Variants in DENND1A observed in about 807,000 individuals in gnomAD.
The protein encoded by DENND1A is DENN domain containing 1A.
In DENND1A, 51 loss-of-function variants were observed where a neutral mutation model predicts 113.7. The ratio of observed to expected loss-of-function variants is 0.45; its 90% CI spans 0.36 to 0.57. The LOEUF (loss-of-function observed/expected upper bound fraction) is 0.57. Ranked by LOEUF, DENND1A falls within the 20% of genes least tolerant of loss-of-function variation. The pLI, the probability that DENND1A is intolerant of heterozygous loss-of-function variation, is 0.00. For synonymous variants in DENND1A, 565 were observed against 570.8 expected (o/e 0.99, Z 0.14); for missense variants, 1,258 against 1,395.9 (o/e 0.90, Z 1.57).
At chr9:123,698,726 C>T (rs1405378953) in intron 5 of DENND1A, among the ~76,000 whole-genome samples, 1 of 152,222 alleles carries the variant, frequency 6.6e-6, no homozygotes, top group African/African-American at 2.4e-5. Context: ...TGGTCTGGTG[C>T]TGTTTGGCTC....
In DENND1A at chr9:123,444,020, C is replaced by T. The variant is rs768360037; in HGVS notation, c.1357-3529G>A. ...TCTATCTCCTGGTAGAGATCTTATA[C>T]GTAGTAGGGAGCTAATAACAGCAAC... On this transcript the variant is annotated intron_variant, in intron 18 of 23. Coordinates refer to ENST00000394215, the MANE Select transcript of DENND1A (RefSeq NM_001352964.2). Among the ~76,000 whole-genome samples the T allele has an allele frequency of 6.6e-5, 10 of 152,012 alleles. No individual in the cohort carries two copies. In the South Asian group the frequency reaches 8.3e-4, roughly 13 times the overall value.
In DENND1A at chr9:123,620,602, G is replaced by A. The variant is rs2060908684; in HGVS notation, c.719+9774C>T. Among the ~76,000 whole-genome samples, 9 of 152,312 alleles carry A rather than the reference G, an allele frequency of 5.9e-5. No individual in the cohort carries two copies. In the South Asian group the frequency reaches 1.7e-3, roughly 28 times the overall value. ...ACTTGGCCTCTCTGTTCAAGCCTCA[G>A]GGTCAAGTTTAGCCAAATCTCAGTT... On this transcript the variant is annotated intron_variant, in intron 10 of 23. Coordinates refer to ENST00000394215, the MANE Select transcript of DENND1A (RefSeq NM_001352964.2).
intron 13 of DENND1A, among the ~76,000 whole-genome samples, chr9:123,524,086 C>G (rs2054612984): frequency 6.6e-6 from 1 of 152,104 alleles, no homozygotes; most frequent in Non-Finnish European, 1.5e-5. Context: ...TACACGTAAC[C>G]CAGGGTGCTG....
intron 11 of DENND1A, among the ~76,000 whole-genome samples, chr9:123,588,551 C>T (rs1314987409): frequency 5.4e-5 from 7 of 128,498 alleles, no homozygotes; most frequent in African/African-American, 8.9e-5. Flanking sequence ...ACCTGGGAGG[C>T]GGAGGTTGCA....
chr9:123,830,931 C>T (rs986377476), intron 2 of DENND1A, among the ~76,000 whole-genome samples: 5 of 129,044 alleles, frequency 3.9e-5, no homozygotes, highest in African/African-American at 1.4e-4. Flanking sequence ...CTGCCATCAT[C>T]AATCTCATTA....
intron 13 of DENND1A, among the ~76,000 whole-genome samples, chr9:123,460,587 A>C (rs929440809): frequency 2.0e-5 from 3 of 152,324 alleles, no homozygotes; most frequent in African/African-American, 7.2e-5. Flanking sequence ...CATTATCCAC[A>C]GTTACCCACA....
intron 3 of DENND1A, among the ~76,000 whole-genome samples, chr9:123,785,169 C>T (rs1479598304): frequency 6.6e-6 from 1 of 151,900 alleles, no homozygotes. Context: ...GTAAGACCCC[C>T]GTCTCTAAAA....
intron 19 of DENND1A, among the ~76,000 whole-genome samples, chr9:123,426,064 G>C (rs983627765): frequency 6.6e-5 from 10 of 152,236 alleles, no homozygotes; most frequent in African/African-American, 2.4e-4. Context: ...ACTGCCAGGA[G>C]TGGAGGATGG....
intron 13 of DENND1A, among the ~76,000 whole-genome samples, chr9:123,487,294 C>T (rs2050967939): frequency 1.3e-5 from 2 of 152,196 alleles, no homozygotes; most frequent in African/African-American, 4.8e-5. Flanking sequence ...CTACCATCTA[C>T]AATCAAGGGA....
chr9:123,771,373 C>T (rs1829700941), intron 3 of DENND1A, among the ~76,000 whole-genome samples: 1 of 152,152 alleles, frequency 6.6e-6, no homozygotes, highest in South Asian at 2.1e-4. Context: ...TACACACACA[C>T]AAATTCCTTA....
At chr9:123,670,986 G>A (rs966697599) in intron 7 of DENND1A, among the ~76,000 whole-genome samples, 1 of 152,198 alleles carries the variant, frequency 6.6e-6, no homozygotes, top group African/African-American at 2.4e-5. Context: ...GACAGGGACT[G>A]AAGAAGCAGG....
At chr9:123,442,698 T>C (rs762761969) in intron 18 of DENND1A, among the ~76,000 whole-genome samples, 40 of 152,194 alleles carry the variant, frequency 2.6e-4, no homozygotes, top group Non-Finnish European at 4.7e-4. Flanking sequence ...GAACAATTCA[T>C]GTAGTAGTTT....
chr9:123,899,450 C>T (rs371115786), intron 1 of DENND1A, among the ~76,000 whole-genome samples: 13 of 152,050 alleles, frequency 8.5e-5, no homozygotes, highest in East Asian at 1.9e-4. Flanking sequence ...GGAAGCTAGA[C>T]AAAGGTGCCA....
intron 2 of DENND1A, among the ~76,000 whole-genome samples, chr9:123,815,699 TA>T (rs1837334222): frequency 6.6e-6 from 1 of 152,202 alleles, no homozygotes; most frequent in Non-Finnish European, 1.5e-5. Context: ...TTTAGCGTAT[TA>T]AAATCACGTT....
chr9:123,564,782 C>T (rs1250109226), intron 12 of DENND1A, among the ~76,000 whole-genome samples: 1 of 152,102 alleles, frequency 6.6e-6, no homozygotes, highest in African/African-American at 2.4e-5. Context: ...ATAGTGGCTA[C>T]CATATTGGAC....
intron 13 of DENND1A, among the ~76,000 whole-genome samples, chr9:123,478,548 G>A (rs2050095075): frequency 6.6e-6 from 1 of 152,168 alleles, no homozygotes. Flanking sequence ...TGCTACTCAC[G>A]TTCAAACAGT....
chr9:123,886,591 T>G (rs1849128056), intron 1 of DENND1A, among the ~76,000 whole-genome samples: 1 of 152,204 alleles, frequency 6.6e-6, no homozygotes, highest in Non-Finnish European at 1.5e-5. Flanking sequence ...CAGAACGCAC[T>G]AGCAAACACC....
At chr9:123,557,511 G>A (rs2057487110) in intron 13 of DENND1A, 59 bp downstream of exon 13, 9 of 1,591,406 alleles carry the variant, frequency 5.7e-6, no homozygotes, top group Non-Finnish European at 7.7e-6. Flanking sequence ...TGTGGCCCCT[G>A]AGGTATGCTT....
chr9:123,875,331 GC>G (rs1847290175), intron 2 of DENND1A, among the ~76,000 whole-genome samples: 1 of 152,064 alleles, frequency 6.6e-6, no homozygotes, highest in African/African-American at 2.4e-5. Context: ...CATTTACAGG[GC>G]TTAGGCAAGG....
Sources: allele counts gnomAD v4.1 joint callset (sites outside exome capture counted in the v4.1 genomes callset), GRCh38; gene constraint gnomAD v4.1.1; transcripts MANE v1.5; gene names NCBI Gene and HGNC (gene_info 2026-07-23, HGNC 2026-07-21).